GPC1: variants seen among roughly 807,000 people sequenced by gnomAD.
GPC1 encodes glypican 1.
Under a neutral mutation model 51.5 loss-of-function variants are expected in GPC1, and 26 were observed. That is an observed-to-expected ratio of 0.50 (90% confidence interval 0.37 to 0.70). The LOEUF (loss-of-function observed/expected upper bound fraction) is 0.70. Ranked by LOEUF, GPC1 falls within the 30% of genes least tolerant of loss-of-function variation. GPC1 has a pLI of 0.00. For missense variants in GPC1, 775 were observed against 800.5 expected, an observed-to-expected ratio of 0.97 and a Z score of 0.38; for synonymous variants, 380 against 348.3, an observed-to-expected ratio of 1.09 and a Z score of -1.01.
At chr2:240,445,611 C>G (rs543027737) in intron 1 of GPC1, among the ~76,000 whole-genome samples, 252 of 152,308 alleles carry the variant, frequency 1.7e-3, no homozygotes, top group African/African-American at 5.8e-3. Flanking sequence ...CTAGATGCAT[C>G]CATCCTTCTG....
At position 240,466,237 on chromosome 2, in the gene GPC1, C is replaced by T. The variant is rs2074260837; in HGVS notation, c.1624C>T (p.Leu542=). ...CTGCCCCCAGCCCCCGACCTTCCTC[C>T]TGCCCCTCCTCCTCTTCCTGGCCCT... ...ASCPQPPTFL[L]PLLLFLALTV... The change falls in exon 9 of 9, where the codon CTG becomes TTG. Residue 542 remains leucine, a synonymous_variant. Transcript: ENST00000264039. The T allele has an allele frequency of 3.1e-6, 5 of 1,612,094 alleles. No homozygotes were observed. The highest frequency in any genetic ancestry group is 2.7e-5 in the African/African-American group (2 of 74,892).
At chr2:240,444,022 G>C (rs961645531) in intron 1 of GPC1, among the ~76,000 whole-genome samples, 2 of 152,224 alleles carry the variant, frequency 1.3e-5, no homozygotes, top group Non-Finnish European at 2.9e-5. Context: ...CAAGGCCACA[G>C]ACTACCCCGC....
chr2:240,445,475 G>A (rs1435644664), intron 1 of GPC1, among the ~76,000 whole-genome samples: 1 of 152,182 alleles, frequency 6.6e-6, no homozygotes, highest in Non-Finnish European at 1.5e-5. Context: ...TTGAACTGAA[G>A]CTATAGGCAG....
At chr2:240,450,541 C>A (rs541287903) in intron 1 of GPC1, 2 of 463,234 alleles carry the variant, frequency 4.3e-6, no homozygotes, top group Non-Finnish European at 9.0e-6. Context: ...TAACCCCCTG[C>A]GAGGCCCATA....
At chr2:240,463,558 G>T (rs200573809) in intron 4 of GPC1, 46 bp downstream of exon 4, 4 of 1,555,666 alleles carry the variant, frequency 2.6e-6, no homozygotes, top group African/African-American at 2.7e-5. Context: ...CTTGGGGAGT[G>T]CACGACTGGG....
chr2:240,437,293 C>T (rs896814818), intron 1 of GPC1, among the ~76,000 whole-genome samples: 5 of 152,174 alleles, frequency 3.3e-5, no homozygotes, highest in African/African-American at 9.7e-5. Flanking sequence ...GGCTCTGGAC[C>T]CCTGCCCCTC....
At chr2:240,463,693 T>C in intron 4 of GPC1, 181 bp downstream of exon 4, 2 of 591,748 alleles carry the variant, frequency 3.4e-6, no homozygotes, top group Non-Finnish European at 6.0e-6. Context: ...CTTTTGAATG[T>C]CCTGAGTGAT....
chr2:240,458,917 C>A, intron 1 of GPC1, 113 bp from the exon 2 acceptor site: 1 of 996,324 alleles, frequency 1.0e-6, no homozygotes, highest in East Asian at 2.6e-5. Context: ...TGGCCCACCC[C>A]TGAGCTGTGC....
chr2:240,437,308 A>C (rs540711099), intron 1 of GPC1, among the ~76,000 whole-genome samples: 4 of 152,126 alleles, frequency 2.6e-5, no homozygotes, highest in African/African-American at 9.6e-5. Flanking sequence ...CCCCTCCAGG[A>C]GGAACAGAAC....
chr2:240,446,061 G>A lies in GPC1; in HGVS notation c.166+9977G>A, dbSNP rs376364047. Among the ~76,000 whole-genome samples, 16 of 152,376 alleles carry A rather than the reference G, an allele frequency of 1.1e-4. No individual in the cohort carries two copies. In the East Asian group the frequency reaches 1.2e-3, roughly 11 times the overall value. On this transcript the variant is annotated intron_variant, in intron 1 of 8. Coordinates refer to ENST00000264039, the MANE Select transcript of GPC1 (RefSeq NM_002081.3). ...TCTGCGGCTTCACCAATGGGCAACG[G>A]GGCCCACGGCACAGAGAAAGTCCGG...
Position 240,450,698 on chromosome 2 carries a change from G to A in GPC1, c.167-8332G>A, listed in dbSNP as rs373403656. On this transcript the variant is annotated intron_variant, in intron 1 of 8. Transcript: ENST00000264039. ...GTGCTGGCTTGGGGGGGTGTGGCTC[G>A]TGGGCCATGCTGGCAGTGGGTCGTG... The A allele has an allele frequency of 1.1e-4, 50 of 468,874 alleles. No individual in the cohort carries two copies. The East Asian group carries it at 1.7e-3, about 16-fold the overall frequency. The allele number at this position is 468,874 out of a possible 1,614,324, so 29.0% of individuals were successfully genotyped here.
intron 1 of GPC1, among the ~76,000 whole-genome samples, chr2:240,446,472 G>A (rs35667044): frequency 6.6e-6 from 1 of 152,152 alleles, no homozygotes; most frequent in Admixed American, 6.5e-5. Context: ...ACAAGTAAAG[G>A]GGTGTGACAT....
intron 8 of GPC1, among the ~76,000 whole-genome samples, 167 bp downstream of exon 8, chr2:240,465,815 C>T (rs1041487522): frequency 2.0e-5 from 3 of 152,080 alleles, no homozygotes; most frequent in African/African-American, 7.2e-5. Context: ...GAGCCCTGCA[C>T]CTCTGCGGCG....
At chr2:240,438,807 G>A (rs189967668) in intron 1 of GPC1, among the ~76,000 whole-genome samples, 28 of 152,344 alleles carry the variant, frequency 1.8e-4, no homozygotes, top group Admixed American at 1.4e-3. Flanking sequence ...AGGCCAGGCT[G>A]CAGTGACAGC....
At chr2:240,447,611 A>G (rs1243626711) in intron 1 of GPC1, among the ~76,000 whole-genome samples, 1 of 152,162 alleles carries the variant, frequency 6.6e-6, no homozygotes, top group Non-Finnish European at 1.5e-5. Context: ...CCGTCGTCTT[A>G]GCAAAGGGGC....
chr2:240,463,704 G>A (rs1235571425), intron 4 of GPC1, 192 bp downstream of exon 4: 2 of 583,906 alleles, frequency 3.4e-6, no homozygotes, highest in Non-Finnish European at 6.1e-6. Flanking sequence ...CCTGAGTGAT[G>A]TGTGACTTGG....
At chr2:240,445,693 C>T (rs949953275) in intron 1 of GPC1, among the ~76,000 whole-genome samples, 12 of 152,266 alleles carry the variant, frequency 7.9e-5, no homozygotes, top group Middle Eastern at 3.4e-3. Flanking sequence ...GATTACATCT[C>T]CATCGTTGCT....
chr2:240,459,368 C>T (rs2074198029), intron 2 of GPC1, among the ~76,000 whole-genome samples, 180 bp downstream of exon 2: 1 of 152,078 alleles, frequency 6.6e-6, no homozygotes. Flanking sequence ...TTGGGGGCTG[C>T]CCTCAGGCAG....
At chr2:240,437,467 G>A (rs1574753164) in intron 1 of GPC1, among the ~76,000 whole-genome samples, 1 of 152,150 alleles carries the variant, frequency 6.6e-6, no homozygotes, top group Non-Finnish European at 1.5e-5. Context: ...CCAGCCTGAG[G>A]TTCTTGCAAG....
Sources: gnomAD v4.1 joint callset for allele counts (sites outside exome capture counted in the v4.1 genomes callset) on GRCh38, gnomAD v4.1.1 for gene constraint, MANE v1.5 for transcripts, NCBI Gene and HGNC (gene_info 2026-07-23, HGNC 2026-07-21) for gene names.